The following MAF variants were observed in gnomAD, a reference collection of about 807,000 sequenced individuals.
MAF encodes MAF bZIP transcription factor.
In MAF, 10 loss-of-function variants were observed where a neutral mutation model predicts 22.0. That is an observed-to-expected ratio of 0.45 (90% CI 0.28 to 0.77). The LOEUF is 0.77. MAF is among the 30% of genes least tolerant of loss of function. MAF has a pLI of 0.12. For synonymous variants in MAF, 337 were observed against 255.8 expected (o/e 1.32, Z -3.03); for missense variants, 544 against 548.4 (o/e 0.99, Z 0.08).
At chr16:79,524,179 G>A in the MAF span, among the ~76,000 whole-genome samples, 22 of 152,234 alleles carry the variant, frequency 1.4e-4, no homozygotes, top group African/African-American at 5.1e-4. Context: ...ATCCCTGTTC[G>A]GGTCAGTTTC....
the MAF span, among the ~76,000 whole-genome samples, chr16:79,414,765 T>A: frequency 6.6e-6 from 1 of 152,226 alleles, no homozygotes; most frequent in Non-Finnish European, 1.5e-5. Flanking sequence ...CAGGAAAAAC[T>A]GTATTAGACT....
At chr16:79,489,555 C>T in the MAF span, among the ~76,000 whole-genome samples, 5,537 of 152,214 alleles carry the variant, frequency 0.036, 320 homozygotes, top group African/African-American at 0.12. Flanking sequence ...AACAGAAGTA[C>T]CTAATTCAGT....
the MAF span, among the ~76,000 whole-genome samples, chr16:79,373,657 T>G: frequency 2.0e-5 from 3 of 151,884 alleles, no homozygotes; most frequent in East Asian, 5.8e-4. Context: ...GGATTACAGG[T>G]GTGAGCCACC....
At chr16:79,516,858 C>G in the MAF span, among the ~76,000 whole-genome samples, 2 of 151,874 alleles carry the variant, frequency 1.3e-5, no homozygotes, top group South Asian at 4.2e-4. Flanking sequence ...TTTTCTTAAT[C>G]TTAAAGCAGC....
the MAF span, among the ~76,000 whole-genome samples, chr16:79,346,285 T>C: frequency 6.6e-6 from 1 of 151,922 alleles, no homozygotes; most frequent in Admixed American, 6.6e-5. Flanking sequence ...TGTTTGGTTT[T>C]CTGTCCTTGC....
At chr16:79,270,444 T>C in the MAF span, among the ~76,000 whole-genome samples, 1 of 152,174 alleles carries the variant, frequency 6.6e-6, no homozygotes, top group Non-Finnish European at 1.5e-5. Context: ...TCCTGCCTCC[T>C]TGAGGCACTC....
At chr16:79,535,629 G>A in the MAF span, among the ~76,000 whole-genome samples, 2 of 117,730 alleles carry the variant, frequency 1.7e-5, no homozygotes, top group Non-Finnish European at 3.3e-5. Context: ...TGCTCTTGTC[G>A]CCCAGGCTGG....
the MAF span, among the ~76,000 whole-genome samples, chr16:79,390,572 G>A: frequency 6.6e-6 from 1 of 152,152 alleles, no homozygotes; most frequent in Admixed American, 6.5e-5. Flanking sequence ...GGAACAGACT[G>A]CTCTGAAAAC....
chr16:79,402,176 G>A, the MAF span, among the ~76,000 whole-genome samples: 1 of 152,150 alleles, frequency 6.6e-6, no homozygotes, highest in South Asian at 2.1e-4. Context: ...CCCATCAAAT[G>A]GGGAGTGTGG....
At chr16:79,473,518 C>T in the MAF span, among the ~76,000 whole-genome samples, 781 of 152,242 alleles carry the variant, frequency 5.1e-3, 2 homozygotes, top group African/African-American at 0.018. Flanking sequence ...ACAGCCTTTG[C>T]CAAACAATGT....
At chr16:79,440,989 G>A in the MAF span, among the ~76,000 whole-genome samples, 81 of 152,256 alleles carry the variant, frequency 5.3e-4, no homozygotes, top group African/African-American at 1.6e-3. Flanking sequence ...ATGTGGAGTC[G>A]TAATGTCCTA....
At chr16:79,276,938 G>A in the MAF span, among the ~76,000 whole-genome samples, 10 of 152,152 alleles carry the variant, frequency 6.6e-5, no homozygotes, top group East Asian at 1.9e-4. Context: ...AATCCTTGAC[G>A]TACTCTGGCT....
chr16:79,496,356 C>T, the MAF span, among the ~76,000 whole-genome samples: 2 of 152,264 alleles, frequency 1.3e-5, no homozygotes, highest in Admixed American at 6.5e-5. Context: ...TTCTAGGCAG[C>T]CATCATTTCA....
At chr16:79,514,933 T>C in the MAF span, among the ~76,000 whole-genome samples, 22 of 152,220 alleles carry the variant, frequency 1.4e-4, no homozygotes, top group African/African-American at 5.3e-4. Flanking sequence ...ACCCTAGGAC[T>C]CTCTCTGGGC....
At chr16:79,211,341 G>GTATT in the MAF span, among the ~76,000 whole-genome samples, 1 of 152,150 alleles carries the variant, frequency 6.6e-6, no homozygotes, top group Admixed American at 6.5e-5. Context: ...ATTGATATGT[G>GTATT]TATTTATTTT....
At chr16:79,566,643 G>A in the MAF span, among the ~76,000 whole-genome samples, 10 of 152,126 alleles carry the variant, frequency 6.6e-5, no homozygotes, top group Non-Finnish European at 1.5e-4. Flanking sequence ...AGGTTCAAGA[G>A]CAAAGTGTAA....
chr16:79,216,220 T>C, the MAF span, among the ~76,000 whole-genome samples: 1 of 152,164 alleles, frequency 6.6e-6, no homozygotes, highest in Non-Finnish European at 1.5e-5. Context: ...ATACGTGTCA[T>C]GTGCACATCT....
At chr16:79,284,306 A>C in the MAF span, among the ~76,000 whole-genome samples, 1 of 152,222 alleles carries the variant, frequency 6.6e-6, no homozygotes, top group African/African-American at 2.4e-5. Context: ...TTCTTGCAGC[A>C]AGAAAAGGTG....
the MAF span, among the ~76,000 whole-genome samples, chr16:79,316,892 T>C: frequency 4.6e-5 from 7 of 152,200 alleles, no homozygotes; most frequent in African/African-American, 7.2e-5. Flanking sequence ...GCAATGTTCA[T>C]TGGACACCAA....
Sources: allele counts gnomAD v4.1 joint callset (sites outside exome capture counted in the v4.1 genomes callset), GRCh38; gene constraint gnomAD v4.1.1; transcripts MANE v1.5; gene names NCBI Gene and HGNC (gene_info 2026-07-23, HGNC 2026-07-21).